CCDC148: variants seen among roughly 807,000 people sequenced by gnomAD.
CCDC148 encodes the protein coiled-coil domain-containing protein 148.
In CCDC148, 89 loss-of-function variants were observed where a neutral mutation model predicts 85.7. The observed-to-expected ratio is 1.04, with a 90% confidence interval of 0.87 to 1.24. The LOEUF is 1.24. Among genes scored for constraint, CCDC148 ranks in the 50% most tolerant of loss-of-function variants. The pLI, the probability that CCDC148 is intolerant of heterozygous loss-of-function variation, is 0.00. For missense variants in CCDC148, 692 were observed against 671.7 expected (o/e 1.03, Z -0.33); for synonymous variants, 230 against 213.9 (o/e 1.08, Z -0.66).
At chr2:158,343,567 T>C (rs1319876298) in intron 3 of CCDC148, among the ~76,000 whole-genome samples, 9 of 152,248 alleles carry the variant, frequency 5.9e-5, no homozygotes, top group Non-Finnish European at 1.0e-4. Flanking sequence ...TTAGGTGTTA[T>C]TGTAAGCCCT....
chr2:158,346,616 T>C (rs905784191), intron 2 of CCDC148, among the ~76,000 whole-genome samples: 11 of 152,198 alleles, frequency 7.2e-5, no homozygotes, highest in African/African-American at 2.4e-4. Context: ...CTTATACTCA[T>C]GGGTACTCCA....
chr2:158,405,450 A>G (rs1685957218), intron 1 of CCDC148, among the ~76,000 whole-genome samples: 1 of 152,112 alleles, frequency 6.6e-6, no homozygotes. Context: ...AGGAAATGGA[A>G]CAGCCTTAAT....
intron 9 of CCDC148, among the ~76,000 whole-genome samples, chr2:158,254,455 T>C (rs959456102): frequency 6.6e-6 from 1 of 151,690 alleles, no homozygotes; most frequent in Non-Finnish European, 1.5e-5. Flanking sequence ...CAAATTTGAC[T>C]AACGAATGGA....
At chr2:158,268,053 C>A (rs76006632) in intron 9 of CCDC148, among the ~76,000 whole-genome samples, 1 of 152,208 alleles carries the variant, frequency 6.6e-6, no homozygotes, top group African/African-American at 2.4e-5. Context: ...AGCTGCTACA[C>A]ACATTCATGT....
chr2:158,360,472 A>C (rs916980423), intron 1 of CCDC148, among the ~76,000 whole-genome samples: 3 of 152,170 alleles, frequency 2.0e-5, no homozygotes, highest in Non-Finnish European at 4.4e-5. Context: ...CTTCCAGAGG[A>C]AGGAAGAGGC....
chr2:158,266,935 CAT>C (rs983960544), intron 9 of CCDC148, among the ~76,000 whole-genome samples: 1 of 149,440 alleles, frequency 6.7e-6, no homozygotes, highest in African/African-American at 2.5e-5. Flanking sequence ...TATATGCACA[CAT>C]ATATATGTGT....
At chr2:158,337,031 T>G (rs1200793669) in intron 7 of CCDC148, among the ~76,000 whole-genome samples, 1 of 152,190 alleles carries the variant, frequency 6.6e-6, no homozygotes, top group African/African-American at 2.4e-5. Flanking sequence ...TAATCTTCAG[T>G]AATTTTAATG....
At position 158,179,712 on chromosome 2, in the gene CCDC148, C is replaced by T. The variant is rs1390002084; in HGVS notation, c.1371-716G>A. On this transcript the variant is annotated intron_variant, in intron 11 of 13. Transcript: ENST00000283233. Reference sequence around the variant, plus strand: ...TTTTTAGAAGGAAAAGTAAAATAAGCTACTATAATAATATGTCTAAATTAT... The same window carrying T: ...TTTTTAGAAGGAAAAGTAAAATAAGTTACTATAATAATATGTCTAAATTAT... 2.6e-5 allele frequency among the ~76,000 whole-genome samples: 4 copies of T among 152,070 alleles called. No individual in the cohort carries two copies. The East Asian group carries it at 7.7e-4, about 29-fold the overall frequency.
chr2:158,341,309 A>ATTTTTTTTTTTT lies in CCDC148; in HGVS notation c.252-641_252-630dup, dbSNP rs10552652. 2.2e-5 allele frequency among the ~76,000 whole-genome samples: 3 copies of ATTTTTTTTTTTT among 138,790 alleles called. 1 individual carries two copies. The allele number at this position is 138,790 out of a possible 152,430, so 91.1% of individuals were successfully genotyped here. A position where few individuals can be genotyped will look rare whatever the true frequency, so the allele number is the denominator to read the frequency against. ...TATGTATACATATGTGTACATACAT[A>ATTTTTTTTTTTT]TTTTTTTTTTTTTTTTGGACTGAGT... On this transcript the variant is annotated intron_variant, in intron 3 of 13. Coordinates refer to ENST00000283233, the MANE Select transcript of CCDC148 (RefSeq NM_138803.4).
intron 1 of CCDC148, among the ~76,000 whole-genome samples, chr2:158,373,018 T>C (rs1684513236): frequency 6.6e-6 from 1 of 152,102 alleles, no homozygotes; most frequent in South Asian, 2.1e-4. Context: ...GTGGCAAAGA[T>C]AATTTAGATT....
intron 9 of CCDC148, among the ~76,000 whole-genome samples, chr2:158,277,741 C>T (rs548662415): frequency 1.6e-4 from 25 of 152,228 alleles, no homozygotes; most frequent in African/African-American, 3.9e-4. Flanking sequence ...GGACTACAGG[C>T]GCCCGCCATC....
At chr2:158,418,352 T>C (rs948120493) in intron 1 of CCDC148, among the ~76,000 whole-genome samples, 2 of 152,170 alleles carry the variant, frequency 1.3e-5, no homozygotes, top group Non-Finnish European at 2.9e-5. Context: ...CAAAACTAAC[T>C]CTAAGTCCAA....
Position 158,358,490 on chromosome 2 carries a change from T to C in CCDC148, c.106A>G (p.Thr36Ala). 6.2e-7 allele frequency: 1 copy of C among 1,608,634 alleles called. No homozygotes were observed. Among genetic ancestry groups the C allele is most frequent in the East Asian group, 2.3e-5 (1 of 44,386 alleles). Residue 36 changes from threonine (T) to alanine (A), a missense_variant, in exon 2 of 14, where the codon ACT becomes GCT. Coordinates refer to ENST00000283233, the MANE Select transcript of CCDC148 (RefSeq NM_138803.4). ...PVDYQQLRAL[T>A]EAKKLASASA... is the part of the protein sequence containing the mutation. ...GCAGAAGCCAATTTCTTTGCTTCAG[T>C]TAATGCACGCAATTGTTGATAGTCT...
chr2:158,283,739 C>CTAGAAA (rs1324326557), intron 9 of CCDC148, among the ~76,000 whole-genome samples: 2 of 151,694 alleles, frequency 1.3e-5, no homozygotes, highest in Admixed American at 6.6e-5. Context: ...GGATCTAGAA[C>CTAGAAA]TAGAAATACC....
chr2:158,455,306 AC>A (rs1465868865), intron 1 of CCDC148, among the ~76,000 whole-genome samples: 1 of 152,078 alleles, frequency 6.6e-6, no homozygotes, highest in Non-Finnish European at 1.5e-5. Context: ...GGGGGAACAT[AC>A]ACACGTTCAC....
At chr2:158,274,699 A>T (rs188940052) in intron 9 of CCDC148, among the ~76,000 whole-genome samples, 5 of 152,346 alleles carry the variant, frequency 3.3e-5, no homozygotes, top group African/African-American at 1.2e-4. Flanking sequence ...TTGACAACCA[A>T]CGGTTATGAG....
At chr2:158,261,356 A>G (rs1021012865) in intron 9 of CCDC148, among the ~76,000 whole-genome samples, 2 of 152,096 alleles carry the variant, frequency 1.3e-5, no homozygotes, top group African/African-American at 4.8e-5. Flanking sequence ...TACATCATAT[A>G]TAAAAATCAA....
intron 10 of CCDC148, among the ~76,000 whole-genome samples, chr2:158,246,111 C>T (rs1356762195): frequency 6.6e-6 from 1 of 152,136 alleles, no homozygotes; most frequent in East Asian, 1.9e-4. Context: ...ACCTCTTGTT[C>T]AGAAATTGTA....
intron 7 of CCDC148, among the ~76,000 whole-genome samples, chr2:158,316,682 C>T (rs1473589497): frequency 6.6e-6 from 1 of 152,080 alleles, no homozygotes; most frequent in Admixed American, 6.5e-5. Flanking sequence ...AATATTGGAG[C>T]AAATATTCAC....
Sources: allele counts gnomAD v4.1 joint callset (sites outside exome capture counted in the v4.1 genomes callset), GRCh38; gene constraint gnomAD v4.1.1; transcripts MANE v1.5; gene names NCBI Gene and HGNC (gene_info 2026-07-23, HGNC 2026-07-21).